CAMSAP1: variants seen among roughly 807,000 people sequenced by gnomAD.
CAMSAP1 encodes the protein calmodulin regulated spectrin associated protein 1, also known as calmodulin-regulated spectrin-associated protein 1.
In CAMSAP1, 58 loss-of-function variants were observed where a neutral mutation model predicts 143.5. That is an observed-to-expected ratio of 0.40 (90% CI 0.33 to 0.50). The LOEUF (loss-of-function observed/expected upper bound fraction) is 0.50. CAMSAP1 is among the 20% of genes least tolerant of loss of function. The probability of loss-of-function intolerance (pLI) is 0.45; values close to 1 mark genes in which losing one functional copy is unlikely to be tolerated. For synonymous variants in CAMSAP1, 945 were observed against 859.3 expected (o/e 1.10, Z -1.74); for missense variants, 1,969 against 2,115.7 (o/e 0.93, Z 1.36).
rs267602169 is a variant in CAMSAP1 at position 135,820,996 on chromosome 9, G to A, written c.3665C>T (p.Pro1222Leu). ...SSDVSGKESV[P>L]VEEPLRSRAS... Reference sequence around the variant, plus strand: ...CCTGCTCCTCAGAGGCTCCTCCACGGGGACGCTCTCTTTTCCCGAGACATC... The same window carrying A: ...CCTGCTCCTCAGAGGCTCCTCCACGAGGACGCTCTCTTTTCCCGAGACATC... Residue 1222 changes from proline to leucine, a missense_variant, in exon 11 of 17, where the codon CCC becomes CTC. By Grantham distance (98) the Pro-to-Leu change is moderately conservative (BLOSUM62 -3). Transcript: ENST00000389532. The surrounding 1 kb of genome is among the most constrained non-coding windows in gnomAD (Gnocchi z 4.4). 5 of 1,612,616 alleles carry A rather than the reference G, an allele frequency of 3.1e-6. No homozygotes were observed. Among genetic ancestry groups the A allele is most frequent in the Non-Finnish European group, 4.2e-6 (5 of 1,179,070 alleles).
At chr9:135,836,936 T>C (rs1836077096) in intron 7 of CAMSAP1, 2 of 984,120 alleles carry the variant, frequency 2.0e-6, no homozygotes, top group African/African-American at 3.5e-5. Context: ...TTTCTACCCG[T>C]TCTACAGACA....
At chr9:135,829,353 A>AT (rs901572650) in intron 7 of CAMSAP1, among the ~76,000 whole-genome samples, 4 of 151,806 alleles carry the variant, frequency 2.6e-5, no homozygotes, top group African/African-American at 9.7e-5. Context: ...AAAAAAAAAA[A>AT]AATTAAAGTA....
At chr9:135,885,836 C>A (rs1838104370) in intron 1 of CAMSAP1, among the ~76,000 whole-genome samples, 1 of 152,112 alleles carries the variant, frequency 6.6e-6, no homozygotes. Flanking sequence ...TGGTGAAGCC[C>A]TCCTAACTGT....
At chr9:135,859,518 G>A (rs940606198) in intron 5 of CAMSAP1, among the ~76,000 whole-genome samples, 11 of 152,004 alleles carry the variant, frequency 7.2e-5, no homozygotes, top group Non-Finnish European at 1.2e-4. Flanking sequence ...TCAGCCTCCC[G>A]AGTAGCTGAG....
chr9:135,868,609 A>T (rs900186256), intron 3 of CAMSAP1, among the ~76,000 whole-genome samples: 36 of 93,470 alleles, frequency 3.9e-4, no homozygotes, highest in Non-Finnish European at 5.3e-4. Context: ...GAGATTGGCA[A>T]TTTTTTTTTT....
At chr9:135,837,772 C>T (rs1301301224) in intron 7 of CAMSAP1, among the ~76,000 whole-genome samples, 1 of 150,148 alleles carries the variant, frequency 6.7e-6, no homozygotes, top group African/African-American at 2.5e-5. Flanking sequence ...CATCATCACG[C>T]ACTTTCTACC....
intron 8 of CAMSAP1, among the ~76,000 whole-genome samples, chr9:135,827,062 T>C (rs888710418): frequency 4.6e-5 from 7 of 152,234 alleles, no homozygotes; most frequent in Non-Finnish European, 1.5e-5. Context: ...TCTTTATGTC[T>C]ATCAGACCAT....
At position 135,818,787 on chromosome 9, in the gene CAMSAP1, G is replaced by A. The variant is rs117992947; in HGVS notation, c.3960-171C>T. Reference sequence around the variant, plus strand: ...AGGCTGCAAAGGCAGTCCTGCAGATGACCCACCGAGGCCACACAGCCTCCC... The same window carrying A: ...AGGCTGCAAAGGCAGTCCTGCAGATAACCCACCGAGGCCACACAGCCTCCC... On this transcript the variant is annotated intron_variant, in intron 12 of 16. Coordinates refer to ENST00000389532, the MANE Select transcript of CAMSAP1 (RefSeq NM_015447.4). This position sits in a 1 kb window ranked among gnomAD's most constrained non-coding sequence, Gnocchi z 7.7. The A allele has an allele frequency of 0.015, 15,429 of 1,048,880 alleles. 170 individuals carry two copies. The highest frequency in any genetic ancestry group is 0.022 in the South Asian group (1,320 of 61,382). 65.0% of individuals were successfully genotyped at this position (1,048,880 alleles called of 1,614,324 possible). A position where few individuals can be genotyped will look rare whatever the true frequency, so the allele number is the denominator to read the frequency against.
intron 5 of CAMSAP1, among the ~76,000 whole-genome samples, chr9:135,860,747 C>T (rs139066006): frequency 6.6e-6 from 1 of 151,864 alleles, no homozygotes; most frequent in Non-Finnish European, 1.5e-5. Flanking sequence ...ATCCTGTTAT[C>T]TTTCACCCAT....
intron 7 of CAMSAP1, among the ~76,000 whole-genome samples, chr9:135,839,546 A>G (rs13284307): frequency 0.24 from 36,870 of 152,028 alleles, 4,750 homozygotes; most frequent in Non-Finnish European, 0.28. Context: ...AGATCCCGGG[A>G]CTGTAGAGCC....
chr9:135,822,303 A>T lies in CAMSAP1; in HGVS notation c.2358T>A (p.Asp786Glu), dbSNP rs755688565. The T allele has an allele frequency of 4.3e-6, 7 of 1,614,018 alleles. No homozygotes were observed. The highest frequency in any genetic ancestry group is 5.9e-6 in the Non-Finnish European group (7 of 1,179,900). ...DMKVKEHEDKDDASGRSSPCL... is the reference protein window; with the variant it reads ...DMKVKEHEDKEDASGRSSPCL... The stretch of plus-strand genomic sequence containing the variant: ...AGGGGCTCGAGCGGCCGCTGGCGTC[A>T]TCTTTGTCTTCATGTTCCTTCACCT... The change falls in exon 11 of 17, where the codon GAT becomes GAA. Residue 786 changes from aspartate (D) to glutamate (E), a missense_variant. Coordinates refer to ENST00000389532, the MANE Select transcript of CAMSAP1 (RefSeq NM_015447.4). The surrounding 1 kb of genome is among the most constrained non-coding windows in gnomAD (Gnocchi z 6.1).
At chr9:135,859,311 C>T (rs940029993) in intron 5 of CAMSAP1, among the ~76,000 whole-genome samples, 112 of 152,214 alleles carry the variant, frequency 7.4e-4, no homozygotes, top group African/African-American at 2.6e-3. Flanking sequence ...TATGGCCTTA[C>T]TAAATGATCT....
At chr9:135,859,701 C>T (rs750414232) in intron 5 of CAMSAP1, among the ~76,000 whole-genome samples, 3 of 151,824 alleles carry the variant, frequency 2.0e-5, no homozygotes, top group African/African-American at 4.8e-5. Context: ...CGTAACTCTG[C>T]CATTTTTTAA....
chr9:135,853,274 C>T (rs1033216788), intron 5 of CAMSAP1, among the ~76,000 whole-genome samples: 1 of 152,142 alleles, frequency 6.6e-6, no homozygotes, highest in African/African-American at 2.4e-5. Flanking sequence ...AGGCTGGAAA[C>T]GACTCCAGAT....
At chr9:135,892,345 G>C (rs1458283499) in intron 1 of CAMSAP1, among the ~76,000 whole-genome samples, 3 of 151,818 alleles carry the variant, frequency 2.0e-5, no homozygotes, top group Admixed American at 1.3e-4. Context: ...TTAAAATTTT[G>C]GACAGAAAAG....
chr9:135,822,017 G>A lies in CAMSAP1; in HGVS notation c.2644C>T (p.His882Tyr). 6.2e-7 allele frequency: 1 copy of A among 1,612,934 alleles called. No homozygotes were observed. Among genetic ancestry groups the A allele is most frequent in the Non-Finnish European group, 8.5e-7 (1 of 1,179,638 alleles). ...SLLASELVQL[H>Y]MQLEEKRRAI... ...CTGCGCTTCTCCTCCAGCTGCATGT[G>A]CAGCTGTACCAGCTCAGATGCCAGG... The change falls in exon 11 of 17, where the codon CAC (histidine) becomes TAC (tyrosine). Residue 882 changes from histidine (H) to tyrosine (Y), a missense_variant. By Grantham distance (83) the His-to-Tyr change is moderately conservative. Around this residue, in one of 4 missense-constraint regions of CAMSAP1, gnomAD observed 1,390 missense variants for 1,420.8 expected, o/e 0.98. Coordinates refer to ENST00000389532, the MANE Select transcript of CAMSAP1 (RefSeq NM_015447.4). This position sits in a 1 kb window ranked among gnomAD's most constrained non-coding sequence, Gnocchi z 6.1.
intron 7 of CAMSAP1, among the ~76,000 whole-genome samples, chr9:135,840,222 T>C (rs1359548442): frequency 1.3e-5 from 2 of 152,174 alleles, no homozygotes; most frequent in African/African-American, 4.8e-5. Context: ...TAGGACCCAC[T>C]GCACAGGGCC....
chr9:135,903,723 C>A (rs1171381896), intron 1 of CAMSAP1, among the ~76,000 whole-genome samples: 1 of 152,228 alleles, frequency 6.6e-6, no homozygotes. Context: ...CCACTTTCAC[C>A]ATCATACCCC....
chr9:135,845,949 A>G (rs1223520992), intron 7 of CAMSAP1, among the ~76,000 whole-genome samples: 1 of 152,006 alleles, frequency 6.6e-6, no homozygotes. Flanking sequence ...TCCCAAAGTA[A>G]TTTATAGATT....
Sources: gnomAD v4.1 joint callset for allele counts (sites outside exome capture counted in the v4.1 genomes callset) on GRCh38, gnomAD v4.1.1 for gene constraint, gnomAD v4.1.1 regional missense constraint, Gnocchi (gnomAD v3.1) non-coding constraint, MANE v1.5 for transcripts, NCBI Gene and HGNC (gene_info 2026-07-23, HGNC 2026-07-21) for gene names.